CNTN5: variants seen among roughly 807,000 people sequenced by gnomAD.
CNTN5 encodes the protein contactin-5.
A neutral mutation model predicts 129.1 loss-of-function variants in CNTN5; 77 were observed. The ratio of observed to expected loss-of-function variants is 0.60; its 90% CI spans 0.50 to 0.72. CNTN5 has a LOEUF of 0.72. Among genes scored for constraint, CNTN5 ranks in the 30% least tolerant of loss-of-function variants. CNTN5 has a pLI of 0.00. For missense variants in CNTN5, 1,478 were observed against 1,328.8 expected, an observed-to-expected ratio of 1.11 and a Z score of -1.75; for synonymous variants, 509 against 465.6, an observed-to-expected ratio of 1.09 and a Z score of -1.20.
rs74991724 is a variant in CNTN5 at position 99,883,898 on chromosome 11, C to A, written c.578-32156C>A. On this transcript the variant is annotated intron_variant, in intron 6 of 24. Transcript: ENST00000524871. ...GAAGATAAGATATTAGAAGCCACGT[C>A]TTCTGCAACTCATACTTTTCCAGAA... Among the ~76,000 whole-genome samples the A allele has an allele frequency of 6.5e-3, 986 of 152,298 alleles. 14 individuals are homozygous for A. Among genetic ancestry groups the A allele is most frequent in the African/African-American group, 0.023 (940 of 41,560 alleles).
At chr11:99,774,985 TTTGGTTCAGGTCTGTGGACCTGAATAAA>T (rs1237208652) in intron 3 of CNTN5, among the ~76,000 whole-genome samples, 1 of 152,032 alleles carries the variant, frequency 6.6e-6, no homozygotes, top group East Asian at 1.9e-4. Flanking sequence ...GTCACTTTGG[TTTGGTTCAGGTCTGTGGACCTGAATAAA>T]TTGACCATGC....
At chr11:100,018,225 A>G (rs1408149115) in intron 9 of CNTN5, among the ~76,000 whole-genome samples, 1 of 151,912 alleles carries the variant, frequency 6.6e-6, no homozygotes, top group African/African-American at 2.4e-5. Flanking sequence ...TTTACCATGA[A>G]ACCATCGCAC....
intron 15 of CNTN5, among the ~76,000 whole-genome samples, chr11:100,218,091 A>T (rs755196587): frequency 8.3e-4 from 127 of 152,206 alleles, no homozygotes; most frequent in Non-Finnish European, 1.5e-3. Context: ...GTTGAATCTA[A>T]TGATATGCGT....
At chr11:99,449,576 A>G (rs1364229148) in intron 2 of CNTN5, among the ~76,000 whole-genome samples, 1 of 152,168 alleles carries the variant, frequency 6.6e-6, no homozygotes, top group Non-Finnish European at 1.5e-5. Flanking sequence ...TTGTAAAAAT[A>G]ATTTATTATT....
chr11:99,639,127 C>A (rs1470591887), intron 3 of CNTN5, among the ~76,000 whole-genome samples: 1 of 152,212 alleles, frequency 6.6e-6, no homozygotes, highest in Non-Finnish European at 1.5e-5. Context: ...TACCTTCAGG[C>A]TCAAGACCAC....
At chr11:100,112,402 T>A (rs548090650) in intron 13 of CNTN5, among the ~76,000 whole-genome samples, 2 of 152,140 alleles carry the variant, frequency 1.3e-5, no homozygotes, top group Non-Finnish European at 2.9e-5. Flanking sequence ...ACACTGATAA[T>A]AGTAGAGAAA....
intron 9 of CNTN5, among the ~76,000 whole-genome samples, chr11:100,060,125 G>T (rs1943402030): frequency 6.6e-6 from 1 of 151,626 alleles, no homozygotes; most frequent in African/African-American, 2.4e-5. Flanking sequence ...CAGGAGAATT[G>T]CTTCCGAGAG....
chr11:99,211,845 G>T (rs1320735344), intron 1 of CNTN5, among the ~76,000 whole-genome samples: 3 of 151,932 alleles, frequency 2.0e-5, no homozygotes, highest in African/African-American at 7.3e-5. Context: ...TTTTAAAAAA[G>T]TTATCTTCTG....
chr11:100,135,183 T>G (rs940686654), intron 13 of CNTN5, among the ~76,000 whole-genome samples: 1 of 150,656 alleles, frequency 6.6e-6, no homozygotes. Context: ...AGTGTTTTTT[T>G]TTTTTTTTTT....
chr11:99,326,272 G>C (rs778254121), intron 2 of CNTN5, among the ~76,000 whole-genome samples: 3 of 152,140 alleles, frequency 2.0e-5, no homozygotes, highest in African/African-American at 7.2e-5. Flanking sequence ...AATCAACCAA[G>C]AAGGTCAATA....
intron 3 of CNTN5, among the ~76,000 whole-genome samples, chr11:99,789,691 CTCTTAAA>C: frequency 6.6e-6 from 1 of 152,084 alleles, no homozygotes; most frequent in Non-Finnish European, 1.5e-5. Flanking sequence ...AAGTTTTTCT[CTCTTAAA>C]TCTTGTCTTC....
At chr11:99,153,815 C>CTTTTTTTT (rs60782977) in intron 1 of CNTN5, among the ~76,000 whole-genome samples, 3 of 103,342 alleles carry the variant, frequency 2.9e-5, no homozygotes, top group Non-Finnish European at 3.6e-5. Flanking sequence ...CTTTGAATGG[C>CTTTTTTTT]TTTTTTTTTT....
At chr11:100,339,909 C>G (rs1249468965) in intron 21 of CNTN5, among the ~76,000 whole-genome samples, 1 of 152,170 alleles carries the variant, frequency 6.6e-6, no homozygotes, top group Non-Finnish European at 1.5e-5. Context: ...CTGTTCCTTT[C>G]TGCCTCCCTC....
intron 15 of CNTN5, among the ~76,000 whole-genome samples, chr11:100,196,387 G>T (rs1948639397): frequency 6.6e-6 from 1 of 151,978 alleles, no homozygotes; most frequent in African/African-American, 2.4e-5. Context: ...TTTTTCAACT[G>T]TTGTACTGGT....
intron 2 of CNTN5, among the ~76,000 whole-genome samples, chr11:99,423,784 G>T (rs1256449027): frequency 6.6e-6 from 1 of 151,912 alleles, no homozygotes; most frequent in African/African-American, 2.4e-5. Flanking sequence ...CACAGTACAG[G>T]CTTTGAGTGA....
chr11:99,751,128 G>A (rs1183043139), intron 3 of CNTN5, among the ~76,000 whole-genome samples: 1 of 152,246 alleles, frequency 6.6e-6, no homozygotes, highest in East Asian at 1.9e-4. Context: ...TCTAAGGTCA[G>A]GAGTTCGAGA....
intron 1 of CNTN5, among the ~76,000 whole-genome samples, chr11:99,265,132 A>T (rs924751824): frequency 2.7e-5 from 4 of 150,424 alleles, no homozygotes; most frequent in Non-Finnish European, 4.4e-5. Flanking sequence ...CAAAAGAATT[A>T]AAAAAAAATA....
intron 3 of CNTN5, among the ~76,000 whole-genome samples, chr11:99,814,781 G>A (rs983084580): frequency 6.6e-6 from 1 of 152,002 alleles, no homozygotes; most frequent in African/African-American, 2.4e-5. Context: ...ATGAAATTAT[G>A]TATTAGTCTG....
chr11:99,550,857 A>C (rs1258753902), intron 2 of CNTN5, among the ~76,000 whole-genome samples: 1 of 152,162 alleles, frequency 6.6e-6, no homozygotes, highest in Non-Finnish European at 1.5e-5. Flanking sequence ...TAGTTATATA[A>C]GTTGTCCATG....
Sources: allele counts gnomAD v4.1 joint callset (sites outside exome capture counted in the v4.1 genomes callset), GRCh38; gene constraint gnomAD v4.1.1; transcripts MANE v1.5; gene names NCBI Gene and HGNC (gene_info 2026-07-23, HGNC 2026-07-21).